The following RPS6KC1 variants were observed in gnomAD, a reference collection of about 807,000 sequenced individuals.
RPS6KC1 encodes ribosomal protein S6 kinase C1, also known as inactive ribosomal protein S6 kinase delta-1.
Under a neutral mutation model 103.8 loss-of-function variants are expected in RPS6KC1, and 54 were observed. The ratio of observed to expected loss-of-function variants is 0.52; its 90% CI spans 0.42 to 0.65. The LOEUF is 0.65. Among genes scored for constraint, RPS6KC1 ranks in the 30% least tolerant of loss-of-function variants. The probability of loss-of-function intolerance (pLI) is 0.00; values close to 1 mark genes in which losing one functional copy is unlikely to be tolerated. For synonymous variants in RPS6KC1, 439 were observed against 438.7 expected, an observed-to-expected ratio of 1.00 and a Z score of -0.01; for missense variants, 1,151 against 1,253.8, an observed-to-expected ratio of 0.92 and a Z score of 1.24.
At chr1:213,334,731 TCCTGGC>T in the RPS6KC1 span, among the ~76,000 whole-genome samples, 1 of 152,220 alleles carries the variant, frequency 6.6e-6, no homozygotes, top group East Asian at 1.9e-4. Context: ...ATAAATTTGC[TCCTGGC>T]CCTAAGGTAT....
At chr1:213,758,167 A>G in the RPS6KC1 span, among the ~76,000 whole-genome samples, 49,339 of 152,094 alleles carry the variant, frequency 0.32, 8,548 homozygotes, top group East Asian at 0.58. Flanking sequence ...CTTATTATTT[A>G]AGAAAAACAT....
At chr1:213,258,128 C>T (rs1194755126) in intron 12 of RPS6KC1, among the ~76,000 whole-genome samples, 2 of 152,032 alleles carry the variant, frequency 1.3e-5, no homozygotes, top group Admixed American at 6.6e-5. Context: ...ACTACAGATG[C>T]GCGCCACTAC....
the RPS6KC1 span, among the ~76,000 whole-genome samples, chr1:213,366,697 T>C: frequency 6.6e-6 from 1 of 152,242 alleles, no homozygotes; most frequent in East Asian, 1.9e-4. Flanking sequence ...CTTCGGGTGT[T>C]AGTCCACCTG....
the RPS6KC1 span, among the ~76,000 whole-genome samples, chr1:213,379,695 C>T: frequency 1.3e-5 from 2 of 152,314 alleles, no homozygotes; most frequent in Middle Eastern, 3.4e-3. Context: ...CTTCCTGGTG[C>T]CTTCCTCCAA....
At chr1:213,667,730 T>C in the RPS6KC1 span, among the ~76,000 whole-genome samples, 1 of 152,260 alleles carries the variant, frequency 6.6e-6, no homozygotes, top group Non-Finnish European at 1.5e-5. Context: ...GTAGAACTTC[T>C]GTCAAATTGG....
the RPS6KC1 span, among the ~76,000 whole-genome samples, chr1:213,386,591 C>G: frequency 1.1e-4 from 17 of 152,228 alleles, no homozygotes; most frequent in African/African-American, 4.1e-4. Flanking sequence ...GGTCTTCCAT[C>G]TACATCCAGG....
At chr1:213,196,897 C>T (rs922683129) in intron 8 of RPS6KC1, among the ~76,000 whole-genome samples, 2 of 152,084 alleles carry the variant, frequency 1.3e-5, no homozygotes, top group Non-Finnish European at 1.5e-5. Context: ...GGTGCAATGG[C>T]GCGATCTCGG....
At chr1:213,115,422 C>T (rs1436311889) in intron 4 of RPS6KC1, among the ~76,000 whole-genome samples, 32 of 151,994 alleles carry the variant, frequency 2.1e-4, no homozygotes, top group South Asian at 4.2e-4. Context: ...TTTTTTATTG[C>T]GTCTATTTGA....
the RPS6KC1 span, among the ~76,000 whole-genome samples, chr1:213,363,722 CTTTCGTTCTTTCTT>C: frequency 1.8e-3 from 209 of 117,228 alleles, 25 homozygotes; most frequent in African/African-American, 4.9e-3. Flanking sequence ...TTCTTTCTTT[CTTTCGTTCTTTCTT>C]TCTCTCTTCT....
At chr1:213,404,194 A>G in the RPS6KC1 span, among the ~76,000 whole-genome samples, 4 of 152,112 alleles carry the variant, frequency 2.6e-5, no homozygotes, top group South Asian at 8.3e-4. Context: ...CCTTCATGTC[A>G]GTCAGGTATT....
At chr1:213,739,645 GA>G in the RPS6KC1 span, among the ~76,000 whole-genome samples, 4 of 151,886 alleles carry the variant, frequency 2.6e-5, no homozygotes, top group African/African-American at 9.7e-5. Context: ...AAACCTTTTA[GA>G]AAAAAGCAGA....
intron 8 of RPS6KC1, among the ~76,000 whole-genome samples, chr1:213,195,648 A>G (rs562567118): frequency 6.6e-6 from 1 of 152,186 alleles, no homozygotes; most frequent in Non-Finnish European, 1.5e-5. Flanking sequence ...AGGTCATTAT[A>G]TCATACTTAT....
the RPS6KC1 span, among the ~76,000 whole-genome samples, chr1:213,355,535 A>C: frequency 3.3e-5 from 5 of 152,188 alleles, no homozygotes; most frequent in Non-Finnish European, 7.4e-5. Context: ...TAAGTGAGAC[A>C]CATAGCATCT....
the RPS6KC1 span, among the ~76,000 whole-genome samples, chr1:213,733,636 G>T: frequency 2.0e-5 from 3 of 150,848 alleles, no homozygotes; most frequent in Non-Finnish European, 4.4e-5. Flanking sequence ...TTATTTTAAG[G>T]TTGGAAACTT....
chr1:213,795,661 A>AT, the RPS6KC1 span, among the ~76,000 whole-genome samples: 1 of 151,938 alleles, frequency 6.6e-6, no homozygotes, highest in African/African-American at 2.4e-5. Flanking sequence ...GTTTCGTTTT[A>AT]TTTTTTTGAG....
intron 8 of RPS6KC1, among the ~76,000 whole-genome samples, chr1:213,218,427 T>C (rs992804234): frequency 3.3e-5 from 5 of 152,160 alleles, no homozygotes; most frequent in African/African-American, 9.6e-5. Flanking sequence ...ATCAATATTG[T>C]GAAAATGGCC....
chr1:213,364,294 GC>G, the RPS6KC1 span, among the ~76,000 whole-genome samples: 1 of 152,182 alleles, frequency 6.6e-6, no homozygotes, highest in Non-Finnish European at 1.5e-5. Context: ...AAATATTTCA[GC>G]CAAAAATATT....
the RPS6KC1 span, among the ~76,000 whole-genome samples, chr1:213,502,908 G>A: frequency 1.3e-5 from 2 of 148,404 alleles, no homozygotes; most frequent in East Asian, 3.9e-4. Flanking sequence ...AAAAGTATGG[G>A]TTGAAACTGG....
the RPS6KC1 span, among the ~76,000 whole-genome samples, chr1:213,763,980 T>G: frequency 1.3e-5 from 2 of 152,240 alleles, no homozygotes; most frequent in African/African-American, 4.8e-5. Context: ...TCTGTATATT[T>G]TATTCATACG....
Sources: allele counts gnomAD v4.1 joint callset (sites outside exome capture counted in the v4.1 genomes callset), GRCh38; gene constraint gnomAD v4.1.1; transcripts MANE v1.5; gene names NCBI Gene and HGNC (gene_info 2026-07-23, HGNC 2026-07-21).